Variants in NCKAP5 observed in about 807,000 individuals in gnomAD.
NCKAP5 encodes the protein NCK associated protein 5, also known as nck-associated protein 5.
NCKAP5 carries 92 observed loss-of-function variants against 167.0 expected under a neutral mutation model. That is an observed-to-expected ratio of 0.55 (90% confidence interval 0.47 to 0.66). The LOEUF is 0.66. Ranked by LOEUF, NCKAP5 falls within the 30% of genes least tolerant of loss-of-function variation. NCKAP5 has a pLI of 0.00. For synonymous variants in NCKAP5, 891 were observed against 877.4 expected (o/e 1.02, Z -0.27); for missense variants, 2,378 against 2,315.0 (o/e 1.03, Z -0.56).
chr2:133,257,678 CT>C (rs1380020426), intron 4 of NCKAP5, among the ~76,000 whole-genome samples: 44 of 152,246 alleles, frequency 2.9e-4, no homozygotes, highest in African/African-American at 8.9e-4. Flanking sequence ...AGATGCTTAA[CT>C]TTGTGTACAT....
chr2:133,096,184 C>T (rs1167682700), intron 6 of NCKAP5, among the ~76,000 whole-genome samples: 1 of 152,064 alleles, frequency 6.6e-6, no homozygotes, highest in Non-Finnish European at 1.5e-5. Flanking sequence ...TGTTGGCAAA[C>T]CTGATATAAA....
chr2:133,269,948 C>A (rs2089433150), intron 4 of NCKAP5, among the ~76,000 whole-genome samples: 2 of 152,104 alleles, frequency 1.3e-5, no homozygotes, highest in African/African-American at 2.4e-5. Context: ...AAGAGTAACT[C>A]CAAGCATTTG....
rs562157909 is a variant in NCKAP5 at position 133,033,313 on chromosome 2, C to T, written c.342-39074G>A. Among the ~76,000 whole-genome samples the T allele has an allele frequency of 3.0e-4, 45 of 152,306 alleles. No individual in the cohort carries two copies. In the Middle Eastern group the frequency reaches 0.014, roughly 46 times the overall value. On this transcript the variant is annotated intron_variant, in intron 6 of 19. Coordinates refer to ENST00000409261, the MANE Select transcript of NCKAP5 (RefSeq NM_207363.3). ...CCACAGTGTAACTGGGCTTGGGGTGCCCCCAAAGGAAGATACAGCTTAGAT... is the reference window on the plus strand; with the variant it reads ...CCACAGTGTAACTGGGCTTGGGGTGTCCCCAAAGGAAGATACAGCTTAGAT...
chr2:132,831,962 C>G (rs1011830549), intron 11 of NCKAP5, among the ~76,000 whole-genome samples: 2 of 152,020 alleles, frequency 1.3e-5, no homozygotes, highest in Non-Finnish European at 2.9e-5. Context: ...AATAATATCT[C>G]TATCATAAAC....
At chr2:133,626,491 T>C in the NCKAP5 span, among the ~76,000 whole-genome samples, 3 of 121,152 alleles carry the variant, frequency 2.5e-5, no homozygotes, top group Admixed American at 9.8e-5. Flanking sequence ...ACCTATTAGC[T>C]TAAGGAGAAT....
chr2:133,135,637 T>C (rs1370818611), intron 5 of NCKAP5, among the ~76,000 whole-genome samples: 2 of 151,788 alleles, frequency 1.3e-5, no homozygotes, highest in Non-Finnish European at 2.9e-5. Flanking sequence ...TATAATAAAT[T>C]AAATAATGCT....
chr2:133,342,474 A>G (rs545751753), intron 3 of NCKAP5, among the ~76,000 whole-genome samples: 53 of 152,314 alleles, frequency 3.5e-4, no homozygotes, highest in East Asian at 2.1e-3. Flanking sequence ...CATGCAAATC[A>G]TCTTCATCCC....
intron 7 of NCKAP5, among the ~76,000 whole-genome samples, chr2:132,964,607 A>T (rs2076606633): frequency 6.7e-6 from 1 of 148,394 alleles, no homozygotes; most frequent in African/African-American, 2.5e-5. Context: ...TTACCATATT[A>T]AAAAAAAAAG....
At chr2:133,461,692 A>T (rs956496631) in intron 3 of NCKAP5, among the ~76,000 whole-genome samples, 3 of 152,186 alleles carry the variant, frequency 2.0e-5, no homozygotes, top group African/African-American at 7.2e-5. Flanking sequence ...TTCTACTTCC[A>T]TTCTATGTGT....
chr2:133,122,481 T>A (rs1309728984), intron 6 of NCKAP5: 1 of 152,202 alleles, frequency 6.6e-6, no homozygotes, highest in East Asian at 1.9e-4. Context: ...CATAAAGTTA[T>A]CTCTGTTTAG....
intron 12 of NCKAP5, among the ~76,000 whole-genome samples, chr2:132,794,317 AAG>A (rs1438619258): frequency 3.8e-5 from 2 of 52,402 alleles, no homozygotes; most frequent in African/African-American, 1.2e-4. Flanking sequence ...GGGTGGCGGG[AAG>A]AGAGAGAGAA....
intron 8 of NCKAP5, among the ~76,000 whole-genome samples, chr2:132,941,431 C>A (rs1158914637): frequency 1.3e-5 from 2 of 152,162 alleles, no homozygotes; most frequent in Non-Finnish European, 2.9e-5. Context: ...TGTAGTCCAA[C>A]CAGTTTCAAG....
At chr2:133,386,431 C>G (rs1025904058) in intron 3 of NCKAP5, among the ~76,000 whole-genome samples, 19 of 152,070 alleles carry the variant, frequency 1.2e-4, no homozygotes, top group East Asian at 5.8e-4. Context: ...TATAATTTCT[C>G]TTCTTTTCCA....
chr2:133,112,838 C>T (rs545876336), intron 6 of NCKAP5, among the ~76,000 whole-genome samples: 3 of 152,302 alleles, frequency 2.0e-5, no homozygotes, highest in Admixed American at 2.0e-4. Context: ...ACAAGGTCAC[C>T]GTGGTGGAGC....
chr2:133,562,546 G>T (rs1208636719), intron 1 of NCKAP5, among the ~76,000 whole-genome samples: 1 of 152,142 alleles, frequency 6.6e-6, no homozygotes, highest in Non-Finnish European at 1.5e-5. Context: ...AGTAACACTT[G>T]TTCCCACATT....
At chr2:133,451,795 C>T (rs924036740) in intron 3 of NCKAP5, among the ~76,000 whole-genome samples, 25 of 152,184 alleles carry the variant, frequency 1.6e-4, no homozygotes, top group Non-Finnish European at 2.4e-4. Context: ...GCTAAGCCAT[C>T]TATATGGCTT....
intron 3 of NCKAP5, among the ~76,000 whole-genome samples, chr2:133,319,516 G>A (rs918664334): frequency 6.6e-6 from 1 of 151,940 alleles, no homozygotes; most frequent in African/African-American, 2.4e-5. Context: ...TTCAATCAGT[G>A]GACTATGCAC....
At chr2:133,368,670 G>A (rs561142885) in intron 3 of NCKAP5, among the ~76,000 whole-genome samples, 10 of 152,294 alleles carry the variant, frequency 6.6e-5, no homozygotes, top group African/African-American at 2.4e-4. Context: ...AAGCATGAAG[G>A]ATGGCCCCTG....
At chr2:133,296,920 G>A (rs940557750) in intron 4 of NCKAP5, among the ~76,000 whole-genome samples, 6 of 152,120 alleles carry the variant, frequency 3.9e-5, no homozygotes, top group Admixed American at 3.9e-4. Context: ...TATTCCACCT[G>A]TTTATTCTAA....
Sources: allele counts gnomAD v4.1 joint callset (sites outside exome capture counted in the v4.1 genomes callset), GRCh38; gene constraint gnomAD v4.1.1; transcripts MANE v1.5; gene names NCBI Gene and HGNC (gene_info 2026-07-23, HGNC 2026-07-21).